Variants in ERC2 observed in about 807,000 individuals in gnomAD.
ERC2 encodes ERC protein 2.
In ERC2, 42 loss-of-function variants were observed where a neutral mutation model predicts 114.8. That is an observed-to-expected ratio of 0.37 (90% confidence interval 0.29 to 0.47). ERC2 has a LOEUF of 0.47. Among genes scored for constraint, ERC2 ranks in the 20% least tolerant of loss-of-function variants. ERC2 has a pLI of 0.99. For missense variants in ERC2, 939 were observed against 1,150.7 expected, an observed-to-expected ratio of 0.82 and a Z score of 2.66; for synonymous variants, 454 against 425.5, an observed-to-expected ratio of 1.07 and a Z score of -0.82.
At chr3:55,760,808 A>T (rs1486040808) in intron 14 of ERC2, among the ~76,000 whole-genome samples, 1 of 152,254 alleles carries the variant, frequency 6.6e-6, no homozygotes, top group Non-Finnish European at 1.5e-5. Flanking sequence ...TATAATAAGC[A>T]TATGGAGTCA....
At chr3:55,535,247 A>G (rs1369817482) in intron 17 of ERC2, among the ~76,000 whole-genome samples, 3 of 152,206 alleles carry the variant, frequency 2.0e-5, no homozygotes, top group Non-Finnish European at 4.4e-5. Flanking sequence ...GACAGGAGAA[A>G]TATCCTCTGG....
chr3:55,889,779 C>A (rs1257954659), intron 13 of ERC2, among the ~76,000 whole-genome samples: 4 of 152,172 alleles, frequency 2.6e-5, no homozygotes, highest in African/African-American at 9.7e-5. Context: ...ATAGGCTCAT[C>A]CATCACTAAA....
chr3:55,910,703 G>C (rs914875121), intron 13 of ERC2, among the ~76,000 whole-genome samples: 4 of 152,156 alleles, frequency 2.6e-5, no homozygotes, highest in African/African-American at 9.7e-5. Context: ...ACAGCACCCT[G>C]TTGAGTCATC....
chr3:55,659,310 A>G (rs774703630), intron 17 of ERC2: 2 of 152,220 alleles, frequency 1.3e-5, no homozygotes, highest in African/African-American at 2.4e-5. Flanking sequence ...GCTGACTGCA[A>G]CTTGGGCCTG....
chr3:56,224,074 T>A (rs1468222528), intron 3 of ERC2, among the ~76,000 whole-genome samples: 2 of 152,212 alleles, frequency 1.3e-5, no homozygotes, highest in Admixed American at 1.3e-4. Context: ...GAGTTATGTA[T>A]AATCATATTT....
chr3:56,029,728 T>C (rs2074264320), intron 7 of ERC2, among the ~76,000 whole-genome samples: 1 of 152,082 alleles, frequency 6.6e-6, no homozygotes, highest in Non-Finnish European at 1.5e-5. Context: ...TTTCTCAGGG[T>C]TTCTGGAGAT....
At chr3:56,299,993 C>A (rs1203629132) in intron 2 of ERC2, among the ~76,000 whole-genome samples, 1 of 152,300 alleles carries the variant, frequency 6.6e-6, no homozygotes, top group Admixed American at 6.5e-5. Context: ...GGAGCTGCCC[C>A]TTTGAATGGA....
intron 1 of ERC2, among the ~76,000 whole-genome samples, chr3:56,459,992 T>G (rs2063238119): frequency 6.6e-6 from 1 of 152,114 alleles, no homozygotes; most frequent in African/African-American, 2.4e-5. Context: ...CCCAAGAGGT[T>G]AAGAGCAGAA....
At chr3:55,992,566 G>A (rs144375874) in intron 10 of ERC2, among the ~76,000 whole-genome samples, 14 of 152,128 alleles carry the variant, frequency 9.2e-5, no homozygotes, top group Admixed American at 2.0e-4. Flanking sequence ...CTTTATTCCC[G>A]GTCATTTGAT....
chr3:56,018,194 C>A (rs1380405691), intron 8 of ERC2, among the ~76,000 whole-genome samples: 1 of 152,072 alleles, frequency 6.6e-6, no homozygotes, highest in African/African-American at 2.4e-5. Flanking sequence ...CAATATAATC[C>A]ACTGAGGTGG....
chr3:56,092,197 A>C (rs898059595), intron 6 of ERC2, among the ~76,000 whole-genome samples: 3 of 152,206 alleles, frequency 2.0e-5, no homozygotes, highest in Non-Finnish European at 4.4e-5. Context: ...TGTTAATAAC[A>C]CAGTCGAGAT....
intron 3 of ERC2, among the ~76,000 whole-genome samples, chr3:56,245,213 G>T (rs1425214158): frequency 6.6e-6 from 1 of 150,828 alleles, no homozygotes; most frequent in Non-Finnish European, 1.5e-5. Flanking sequence ...TATAAATTCT[G>T]CTCACATTTT....
chr3:56,062,613 A>C (rs1315199605), intron 7 of ERC2, among the ~76,000 whole-genome samples: 6 of 152,184 alleles, frequency 3.9e-5, no homozygotes, highest in Non-Finnish European at 8.8e-5. Context: ...AAAAATAGTT[A>C]AATGCTATCG....
intron 2 of ERC2, among the ~76,000 whole-genome samples, chr3:56,362,880 A>G (rs2059011359): frequency 6.6e-6 from 1 of 152,196 alleles, no homozygotes; most frequent in African/African-American, 2.4e-5. Flanking sequence ...TCTGAGCCTG[A>G]GCTTTCTAGA....
At chr3:56,016,107 AC>A (rs1334044181) in intron 8 of ERC2, among the ~76,000 whole-genome samples, 2 of 152,018 alleles carry the variant, frequency 1.3e-5, no homozygotes, top group Non-Finnish European at 2.9e-5. Context: ...TGGATATTAG[AC>A]CTTTGTCAGA....
chr3:56,034,188 C>G (rs1285893496), intron 7 of ERC2, among the ~76,000 whole-genome samples: 1 of 152,022 alleles, frequency 6.6e-6, no homozygotes, highest in African/African-American at 2.4e-5. Context: ...ATACTTATAT[C>G]AGACAAAAGA....
intron 14 of ERC2, among the ~76,000 whole-genome samples, chr3:55,753,666 C>T (rs2066868380): frequency 6.6e-6 from 1 of 152,160 alleles, no homozygotes; most frequent in South Asian, 2.1e-4. Context: ...TTCACTGGGG[C>T]AAACATAAAT....
rs2150543906 is a variant in ERC2, at chr3:56,356,313, C to G, written c.658-59878G>C. Among the ~76,000 whole-genome samples the G allele has an allele frequency of 2.6e-5, 4 of 152,266 alleles. No homozygotes were observed. The Middle Eastern group carries it at 0.014, about 518-fold the overall frequency. On this transcript the variant is annotated intron_variant, in intron 2 of 17. Transcript: ENST00000288221. ...CCAAGCTCTCTGGGCCAAATAGCAT[C>G]AGAAAACAGTAATACAGGTATGTAC...
At chr3:56,275,917 C>T (rs888187081) in intron 3 of ERC2, among the ~76,000 whole-genome samples, 1 of 152,138 alleles carries the variant, frequency 6.6e-6, no homozygotes, top group African/African-American at 2.4e-5. Context: ...GCCCCCATCC[C>T]CAGCAAAGAA....
Sources: gnomAD v4.1 joint callset for allele counts (sites outside exome capture counted in the v4.1 genomes callset) on GRCh38, gnomAD v4.1.1 for gene constraint, MANE v1.5 for transcripts, NCBI Gene and HGNC (gene_info 2026-07-23, HGNC 2026-07-21) for gene names.